The following COG7 variants were observed in gnomAD, a reference collection of about 807,000 sequenced individuals.
COG7 encodes conserved oligomeric Golgi complex subunit 7.
A neutral mutation model predicts 91.5 loss-of-function variants in COG7; 49 were observed. The ratio of observed to expected loss-of-function variants is 0.54; its 90% CI spans 0.43 to 0.68. The LOEUF (loss-of-function observed/expected upper bound fraction) is 0.68, where lower values mean the gene tolerates loss of function less well. Among genes scored for constraint, COG7 ranks in the 30% least tolerant of loss-of-function variants. The pLI is 0.00. For missense variants in COG7, 895 were observed against 961.3 expected, an observed-to-expected ratio of 0.93 and a Z score of 0.91; for synonymous variants, 365 against 388.7, an observed-to-expected ratio of 0.94 and a Z score of 0.72.
chr16:23,402,916 A>C (rs1004134491), intron 13 of COG7, among the ~76,000 whole-genome samples: 2 of 152,256 alleles, frequency 1.3e-5, no homozygotes, highest in African/African-American at 4.8e-5. Context: ...AGAGGGTGGC[A>C]GAAAGGAGAG....
intron 1 of COG7, among the ~76,000 whole-genome samples, chr16:23,446,193 T>C (rs928121727): frequency 2.6e-5 from 4 of 152,136 alleles, no homozygotes; most frequent in African/African-American, 9.7e-5. Context: ...GGGCCTTTGA[T>C]ATCACAAAGA....
intron 12 of COG7, 139 bp from the exon 13 acceptor site, chr16:23,403,973 C>G (rs1323781765): frequency 7.4e-6 from 7 of 946,030 alleles, no homozygotes; most frequent in Non-Finnish European, 1.1e-5. Flanking sequence ...GTGCCCCAGG[C>G]CCCTCTGGAG....
chr16:23,413,495 G>C lies in COG7; in HGVS notation c.1362C>G (p.Pro454=). 6.2e-7 allele frequency: 1 copy of C among 1,612,432 alleles called. No homozygotes were observed. Among genetic ancestry groups the C allele is most frequent in the Non-Finnish European group, 8.5e-7 (1 of 1,178,436 alleles). Residue 454 remains proline (P), a synonymous_variant, in exon 10 of 17, where the codon CCC becomes CCG. Transcript: ENST00000307149. ...RKKCKLDHIP[P]NSLFQEDWTA... ...TCCAATCTTCCTGGAAGAGGGAGTT[G>C]GGAGGAATGTGGTCCAGTTTGCACT...
chr16:23,398,826 C>A (rs1031183209), intron 13 of COG7, among the ~76,000 whole-genome samples: 25 of 152,328 alleles, frequency 1.6e-4, no homozygotes, highest in African/African-American at 5.5e-4. Context: ...AGGAGAACCT[C>A]AGCACTAACA....
Position 23,393,355 on chromosome 16 carries a change from A to G in COG7, c.1888-8T>C. 6.2e-7 allele frequency: 1 copy of G among 1,601,902 alleles called. No homozygotes were observed. The highest frequency in any genetic ancestry group is 8.6e-7 in the Non-Finnish European group (1 of 1,168,832). On this transcript the variant is annotated splice_region_variant and splice_polypyrimidine_tract_variant and intron_variant, in intron 14 of 16. Coordinates refer to ENST00000307149, the MANE Select transcript of COG7 (RefSeq NM_153603.4). The stretch of plus-strand genomic sequence containing the variant: ...CATGATGTACTGCCCGATCTGAAAC[A>G]AAAGAAAGCGCTGTTAGCCTGACAT...
At chr16:23,409,115 G>A (rs1464675624) in intron 11 of COG7, among the ~76,000 whole-genome samples, 2 of 151,520 alleles carry the variant, frequency 1.3e-5, no homozygotes, top group South Asian at 4.2e-4. Context: ...GTGTGTGTGT[G>A]TATGTGGCAG....
At chr16:23,393,520 A>C (rs1407675678) in intron 14 of COG7, 173 bp from the exon 15 acceptor site, 8 of 624,472 alleles carry the variant, frequency 1.3e-5, no homozygotes, top group Non-Finnish European at 2.3e-5. Context: ...ACCCTAAAAA[A>C]GAATCACTGG....
At chr16:23,429,112 C>T (rs1417822474) in intron 6 of COG7, among the ~76,000 whole-genome samples, 1 of 152,154 alleles carries the variant, frequency 6.6e-6, no homozygotes. Context: ...ACCTCAGCCT[C>T]CTGAGTTGCT....
Position 23,424,764 on chromosome 16 carries a change from G to C in COG7, c.994C>G (p.Leu332Val), listed in dbSNP as rs1355304299. ...GAATGTTTACGTAGGTGGGGGAGCA[G>C]TGCCATCTCCAAGCCCTTGGCGAAG... ...AHFAKGLEMALLPHLHEHNLV... is the reference protein window; with the variant it reads ...AHFAKGLEMAVLPHLHEHNLV... The change falls in exon 7 of 17, where the codon CTG (leucine) becomes GTG (valine). Residue 332 changes from leucine to valine, a missense_variant. Physicochemically the swap from Leu to Val is conservative, Grantham distance 32. Transcript: ENST00000307149. 2.5e-6 allele frequency: 4 copies of C among 1,614,096 alleles called. No individual in the cohort carries two copies. The highest frequency in any genetic ancestry group is 3.4e-6 in the Non-Finnish European group (4 of 1,180,028).
intron 11 of COG7, 52 bp downstream of exon 11, chr16:23,410,243 C>G (rs771182517): frequency 6.7e-7 from 1 of 1,483,718 alleles, no homozygotes; most frequent in Non-Finnish European, 9.4e-7. Context: ...AGACCAAGCT[C>G]GTGCTGATCA....
At position 23,442,142 on chromosome 16, in the gene COG7, C is replaced by T. The variant is rs530035912; in HGVS notation, c.604+335G>A. Among the ~76,000 whole-genome samples, 4 of 151,924 alleles carry T rather than the reference C, an allele frequency of 2.6e-5. No homozygotes were observed. The South Asian group carries it at 6.3e-4, about 24-fold the overall frequency. The stretch of plus-strand genomic sequence containing the variant: ...TGAGGTCAGGAGTTTGAGACCAGCC[C>T]GGCCAACATGGTGAAAGCCCGTTTC... On this transcript the variant is annotated intron_variant, in intron 4 of 16. Transcript: ENST00000307149.
chr16:23,406,175 C>G lies in COG7; in HGVS notation c.1563G>C (p.Lys521Asn), dbSNP rs773660021. 25 of 1,613,878 alleles carry G rather than the reference C, an allele frequency of 1.5e-5. No homozygotes were observed. The Admixed American group carries it at 4.2e-4, about 27-fold the overall frequency. ...GCCATGGGTTCTTGGCAGAGTTCTT[C>G]TTGTCTGTCAAGATGCTCTCCTGAA... ...AGFQESILTD[K>N]KNSAKNPWQE... is the part of the protein sequence containing the mutation. The change falls in exon 12 of 17, where the codon AAG becomes AAC. Residue 521 changes from lysine (K) to asparagine (N), a missense_variant. By Grantham distance (94) the Lys-to-Asn change is moderately conservative. Transcript: ENST00000307149.
intron 13 of COG7, among the ~76,000 whole-genome samples, chr16:23,398,850 A>G (rs1596911061): frequency 6.6e-6 from 1 of 152,208 alleles, no homozygotes; most frequent in East Asian, 1.9e-4. Context: ...GTTTCTTGCC[A>G]TTTGGAGTGG....
intron 1 of COG7, among the ~76,000 whole-genome samples, chr16:23,447,610 T>A (rs917851500): frequency 6.6e-6 from 1 of 151,230 alleles, no homozygotes; most frequent in African/African-American, 2.4e-5. Flanking sequence ...AGAAATAAAA[T>A]AAAATCCCTG....
At chr16:23,406,427 AG>A (rs1963463368) in intron 11 of COG7, among the ~76,000 whole-genome samples, 165 bp from the exon 12 acceptor site, 1 of 152,168 alleles carries the variant, frequency 6.6e-6, no homozygotes, top group African/African-American at 2.4e-5. Context: ...ATCATTGAGG[AG>A]TGAGCTGGAC....
intron 1 of COG7, among the ~76,000 whole-genome samples, chr16:23,451,150 G>A (rs968945228): frequency 5.9e-5 from 9 of 152,058 alleles, no homozygotes; most frequent in South Asian, 2.1e-4. Context: ...CTGAGATGGC[G>A]CCACTGCACT....
At chr16:23,395,792 T>A (rs1047628339) in intron 14 of COG7, among the ~76,000 whole-genome samples, 1 of 152,252 alleles carries the variant, frequency 6.6e-6, no homozygotes, top group Non-Finnish European at 1.5e-5. Flanking sequence ...TTTCTTGATA[T>A]CCTGGTTGGG....
At chr16:23,396,458 C>T (rs1963286367) in intron 14 of COG7, among the ~76,000 whole-genome samples, 1 of 152,124 alleles carries the variant, frequency 6.6e-6, no homozygotes, top group South Asian at 2.1e-4. Context: ...GTGGGCAGAT[C>T]ACTTCAGGTC....
In COG7 at chr16:23,443,805, C is replaced by T. The variant is rs367782461; in HGVS notation, c.436-1160G>A. Among the ~76,000 whole-genome samples the T allele has an allele frequency of 7.2e-5, 11 of 152,222 alleles. No homozygotes were observed. In the South Asian group the frequency reaches 8.3e-4, roughly 11 times the overall value. On this transcript the variant is annotated intron_variant, in intron 3 of 16. Transcript: ENST00000307149. ...GGCAGGGAACATAAATATGTATGTG[C>T]ATATCTGGAAGGATGGGCATAAAGT...
Sources: allele counts gnomAD v4.1 joint callset (sites outside exome capture counted in the v4.1 genomes callset), GRCh38; gene constraint gnomAD v4.1.1; transcripts MANE v1.5; gene names NCBI Gene and HGNC (gene_info 2026-07-23, HGNC 2026-07-21).